CAMTA1: variants seen among roughly 807,000 people sequenced by gnomAD.
The protein encoded by CAMTA1 is calmodulin binding transcription activator 1, also known as calmodulin-binding transcription activator 1.
Under a neutral mutation model 170.9 loss-of-function variants are expected in CAMTA1, and 27 were observed. That is an observed-to-expected ratio of 0.16 (90% CI 0.12 to 0.22). The LOEUF is 0.22. Among genes scored for constraint, CAMTA1 ranks in the 10% least tolerant of loss-of-function variants. The pLI is 1.00. For synonymous variants in CAMTA1, 833 were observed against 891.5 expected (o/e 0.93, Z 1.17); for missense variants, 1,619 against 2,217.2 (o/e 0.73, Z 5.42).
At chr1:7,320,546 T>C (rs1678217818) in intron 5 of CAMTA1, among the ~76,000 whole-genome samples, 1 of 152,094 alleles carries the variant, frequency 6.6e-6, no homozygotes, top group African/African-American at 2.4e-5. Context: ...CTGCAGGGTC[T>C]ACGTTGGTGA....
intron 6 of CAMTA1, among the ~76,000 whole-genome samples, chr1:7,622,367 T>C (rs2095604585): frequency 6.6e-6 from 1 of 152,240 alleles, no homozygotes; most frequent in Admixed American, 6.5e-5. Context: ...GGATGTGTGA[T>C]TCCACTCCAC....
chr1:6,809,495 G>C (rs1314591264), intron 1 of CAMTA1, among the ~76,000 whole-genome samples: 24 of 152,126 alleles, frequency 1.6e-4, no homozygotes, highest in Admixed American at 1.6e-3. Flanking sequence ...AGTCCTTAGA[G>C]GTCAGCCCCC....
At chr1:7,554,610 C>T (rs1031611176) in intron 6 of CAMTA1, among the ~76,000 whole-genome samples, 1 of 152,176 alleles carries the variant, frequency 6.6e-6, no homozygotes, top group Non-Finnish European at 1.5e-5. Flanking sequence ...TCACTGCCTC[C>T]ACCCTGATCA....
intron 11 of CAMTA1, among the ~76,000 whole-genome samples, chr1:7,691,116 T>C (rs1010605141): frequency 4.6e-5 from 7 of 152,212 alleles, no homozygotes; most frequent in South Asian, 4.1e-4. Context: ...TGATGGAGGA[T>C]GGTGACTTCT....
intron 6 of CAMTA1, among the ~76,000 whole-genome samples, chr1:7,514,356 C>T (rs2094249137): frequency 6.6e-6 from 1 of 152,226 alleles, no homozygotes; most frequent in South Asian, 2.1e-4. Context: ...AGTCTCTCTG[C>T]TCAGGAGCCA....
rs759460863 is a variant in CAMTA1, at chr1:7,677,747, T to C, written c.2914+14T>C. 3 of 1,608,448 alleles carry C rather than the reference T, an allele frequency of 1.9e-6. No individual in the cohort carries two copies. Among genetic ancestry groups the C allele is most frequent in the Non-Finnish European group, 2.5e-6 (3 of 1,177,462 alleles). ...TGTCGTTGGACGGTAAGAACAGTGC[T>C]TGGGTCGTCTTGCCAGGCACCAAGG... is the stretch of plus-strand genomic sequence containing the variant. On this transcript the variant is annotated intron_variant, in intron 11 of 22. Transcript: ENST00000303635.
chr1:7,416,664 A>AT (rs1033601291), intron 5 of CAMTA1, among the ~76,000 whole-genome samples: 5 of 151,732 alleles, frequency 3.3e-5, no homozygotes, highest in Admixed American at 6.6e-5. Flanking sequence ...CATTCATCTA[A>AT]TTTTTTTTCA....
intron 4 of CAMTA1, among the ~76,000 whole-genome samples, chr1:7,166,018 A>G (rs1648330698): frequency 6.6e-6 from 1 of 151,860 alleles, no homozygotes; most frequent in South Asian, 2.1e-4. Context: ...TATTGCATTA[A>G]CATTTATATG....
At chr1:7,679,069 G>A (rs774459034) in intron 11 of CAMTA1, among the ~76,000 whole-genome samples, 3 of 152,230 alleles carry the variant, frequency 2.0e-5, no homozygotes, top group African/African-American at 7.2e-5. Context: ...GCTGCCCTGG[G>A]GCACCGAGCT....
At chr1:7,183,332 C>T (rs1266252352) in intron 4 of CAMTA1, among the ~76,000 whole-genome samples, 1 of 152,120 alleles carries the variant, frequency 6.6e-6, no homozygotes, top group Non-Finnish European at 1.5e-5. Flanking sequence ...CCCATCAGGC[C>T]CCAACTGCAA....
intron 4 of CAMTA1, among the ~76,000 whole-genome samples, chr1:7,189,264 T>C (rs1400081379): frequency 6.6e-6 from 1 of 152,106 alleles, no homozygotes; most frequent in African/African-American, 2.4e-5. Context: ...CACACAGAGA[T>C]TGGAAAATAC....
At chr1:7,718,550 A>T (rs963427066) in intron 11 of CAMTA1, among the ~76,000 whole-genome samples, 3 of 146,268 alleles carry the variant, frequency 2.1e-5, no homozygotes, top group Non-Finnish European at 3.0e-5. Flanking sequence ...GTCTCATTAC[A>T]GCACTTTTTT....
chr1:7,408,163 G>C (rs145729756), intron 5 of CAMTA1, among the ~76,000 whole-genome samples: 1 of 150,848 alleles, frequency 6.6e-6, no homozygotes, highest in Non-Finnish European at 1.5e-5. Context: ...TCATCTGAAC[G>C]AAGTGGTTGC....
At chr1:7,595,633 C>G (rs1014245516) in intron 6 of CAMTA1, among the ~76,000 whole-genome samples, 1 of 152,198 alleles carries the variant, frequency 6.6e-6, no homozygotes, top group African/African-American at 2.4e-5. Context: ...TCACAACAAC[C>G]CTCTGAGGTG....
chr1:7,313,269 C>G (rs973644313), intron 5 of CAMTA1, among the ~76,000 whole-genome samples: 26 of 152,224 alleles, frequency 1.7e-4, no homozygotes, highest in Admixed American at 8.5e-4. Flanking sequence ...AATTTCTCTT[C>G]TCTACCATCT....
At chr1:7,606,066 C>T (rs1191951324) in intron 6 of CAMTA1, among the ~76,000 whole-genome samples, 2 of 152,214 alleles carry the variant, frequency 1.3e-5, no homozygotes, top group African/African-American at 4.8e-5. Flanking sequence ...CCAATCAAGG[C>T]CCCTGAGCAG....
At chr1:6,883,186 G>T (rs1303666963) in intron 3 of CAMTA1, among the ~76,000 whole-genome samples, 1 of 152,138 alleles carries the variant, frequency 6.6e-6, no homozygotes, top group Admixed American at 6.5e-5. Flanking sequence ...GAGCCACCGC[G>T]CCCGGACAAG....
At chr1:7,350,537 C>A (rs1005767092) in intron 5 of CAMTA1, among the ~76,000 whole-genome samples, 4 of 152,178 alleles carry the variant, frequency 2.6e-5, no homozygotes, top group Non-Finnish European at 4.4e-5. Context: ...AGCCGTGTGG[C>A]CTTTGAAAAG....
intron 1 of CAMTA1, among the ~76,000 whole-genome samples, chr1:6,791,918 A>G (rs577568227): frequency 1.3e-5 from 2 of 152,072 alleles, no homozygotes; most frequent in Admixed American, 6.5e-5. Flanking sequence ...TTACAAACAT[A>G]TAGATGGTCT....
Sources: gnomAD v4.1 joint callset for allele counts (sites outside exome capture counted in the v4.1 genomes callset) on GRCh38, gnomAD v4.1.1 for gene constraint, MANE v1.5 for transcripts, NCBI Gene and HGNC (gene_info 2026-07-23, HGNC 2026-07-21) for gene names.